The following ZNF407 variants were observed in gnomAD, a reference collection of about 807,000 sequenced individuals.
The protein encoded by ZNF407 is zinc finger protein 407.
Under a neutral mutation model 131.2 loss-of-function variants are expected in ZNF407, and 17 were observed. The observed-to-expected ratio is 0.13, with a 90% CI of 0.09 to 0.19. ZNF407 has a LOEUF of 0.19. Among genes scored for constraint, ZNF407 ranks in the 10% least tolerant of loss-of-function variants. The probability of loss-of-function intolerance (pLI) is 1.00; values close to 1 mark genes in which losing one functional copy is unlikely to be tolerated. For synonymous variants in ZNF407, 1,156 were observed against 1,062.0 expected, an observed-to-expected ratio of 1.09 and a Z score of -1.72; for missense variants, 2,681 against 2,830.6, an observed-to-expected ratio of 0.95 and a Z score of 1.20.
chr18:74,967,148 G>A (rs757859412), intron 8 of ZNF407, among the ~76,000 whole-genome samples: 29 of 152,070 alleles, frequency 1.9e-4, no homozygotes, highest in South Asian at 1.5e-3. Flanking sequence ...CAGCTACTCC[G>A]GAGGCTGAAG....
intron 8 of ZNF407, among the ~76,000 whole-genome samples, chr18:74,942,544 C>T (rs1442480754): frequency 1.3e-5 from 2 of 152,196 alleles, no homozygotes; most frequent in Admixed American, 6.5e-5. Context: ...TCTTTTTAAT[C>T]TTTCTGACCT....
At chr18:74,738,616 G>T (rs1265273524) in intron 3 of ZNF407, among the ~76,000 whole-genome samples, 4 of 151,872 alleles carry the variant, frequency 2.6e-5, no homozygotes, top group Middle Eastern at 3.4e-3. Context: ...GTGTGCTCCT[G>T]TAGTCCCAGC....
chr18:74,705,300 G>A (rs1967599152), intron 3 of ZNF407, among the ~76,000 whole-genome samples: 1 of 152,136 alleles, frequency 6.6e-6, no homozygotes. Context: ...GGCTGCCTGT[G>A]ATGTCATGGG....
At chr18:74,769,376 G>A (rs1568207255) in intron 3 of ZNF407, among the ~76,000 whole-genome samples, 1 of 151,448 alleles carries the variant, frequency 6.6e-6, no homozygotes, top group Non-Finnish European at 1.5e-5. Context: ...AAGAGTTGAG[G>A]TAGCTCTAGG....
In ZNF407 at chr18:74,990,514, T is replaced by G. The variant is rs538469791; in HGVS notation, c.5428+69822T>G. ...AACTGTATATGACAACAGAAATCTC[T>G]TTCAAAAGTCAAAGAATTGACAGGG... On this transcript the variant is annotated intron_variant, in intron 8 of 8. Transcript: ENST00000299687. Among the ~76,000 whole-genome samples, 12 of 152,374 alleles carry G rather than the reference T, an allele frequency of 7.9e-5. 1 individual carries two copies. In the South Asian group the frequency reaches 2.5e-3, roughly 32 times the overall value.
chr18:74,719,987 A>G (rs989241693), intron 3 of ZNF407, among the ~76,000 whole-genome samples: 10 of 151,998 alleles, frequency 6.6e-5, no homozygotes, highest in African/African-American at 2.4e-4. Context: ...GTTAAATGCT[A>G]ATTTCCTTTC....
At chr18:74,717,641 A>T (rs968230842) in intron 3 of ZNF407, among the ~76,000 whole-genome samples, 34 of 152,238 alleles carry the variant, frequency 2.2e-4, no homozygotes, top group African/African-American at 7.7e-4. Flanking sequence ...CTTAAAACAA[A>T]CAAACAAAAC....
intron 3 of ZNF407, among the ~76,000 whole-genome samples, chr18:74,645,655 G>T (rs929067010): frequency 6.6e-6 from 1 of 151,762 alleles, no homozygotes; most frequent in Admixed American, 6.6e-5. Flanking sequence ...GTGTGTGTGT[G>T]TGTGTGTGTG....
intron 8 of ZNF407, among the ~76,000 whole-genome samples, chr18:74,929,151 G>C (rs1225810837): frequency 6.6e-6 from 1 of 152,112 alleles, no homozygotes; most frequent in Admixed American, 6.6e-5. Context: ...GTTTTAAAGT[G>C]ATTTTTAACT....
Position 74,935,710 on chromosome 18 carries a change from G to A in ZNF407, c.5428+15018G>A, listed in dbSNP as rs183153491. Reference sequence around the variant, plus strand: ...ACTTGAATAATCAGAGAGGTGAGAAGAGGAGATCGATGGAAGCACCGAGCA... The same window carrying A: ...ACTTGAATAATCAGAGAGGTGAGAAAAGGAGATCGATGGAAGCACCGAGCA... On this transcript the variant is annotated intron_variant, in intron 8 of 8. Transcript: ENST00000299687. Among the ~76,000 whole-genome samples, 63 of 152,296 alleles carry A rather than the reference G, an allele frequency of 4.1e-4. No homozygotes were observed. The East Asian group carries it at 9.5e-3, about 23-fold the overall frequency.
chr18:74,901,244 G>T (rs1971520407), intron 7 of ZNF407, among the ~76,000 whole-genome samples: 1 of 152,180 alleles, frequency 6.6e-6, no homozygotes, highest in African/African-American at 2.4e-5. Flanking sequence ...TGGAATTGTT[G>T]CTGCTTCGTT....
At position 74,633,556 on chromosome 18, in the gene ZNF407, G is replaced by T; in HGVS notation, c.2537G>T (p.Gly846Val). The change falls in exon 2 of 9, where the codon GGT becomes GTT. Residue 846 changes from glycine (G) to valine (V), a missense_variant. Physicochemically the swap from Gly to Val is moderately radical, Grantham distance 109. Around this residue, in one of 6 missense-constraint regions of ZNF407, gnomAD observed 1,789 missense variants for 1,748.7 expected, o/e 1.02. Coordinates refer to ENST00000299687, the MANE Select transcript of ZNF407 (RefSeq NM_017757.3). ...TTTPKRGRPK[G>V]NISRTCSHCG... ...ACTCCAAAGAGAGGGAGACCTAAAG[G>T]TAACATCTCACGGACGTGTTCACAC... 6.2e-7 allele frequency: 1 copy of T among 1,613,980 alleles called. No individual in the cohort carries two copies. The highest frequency in any genetic ancestry group is 8.5e-7 in the Non-Finnish European group (1 of 1,179,894).
chr18:74,734,719 GAATC>G (rs1234383401), intron 3 of ZNF407, among the ~76,000 whole-genome samples: 1 of 150,900 alleles, frequency 6.6e-6, no homozygotes, highest in Admixed American at 6.6e-5. Context: ...GTTTTTGAGA[GAATC>G]AAAGATTCAA....
intron 3 of ZNF407, among the ~76,000 whole-genome samples, chr18:74,648,311 T>C (rs1210678002): frequency 6.6e-6 from 1 of 152,044 alleles, no homozygotes; most frequent in Non-Finnish European, 1.5e-5. Flanking sequence ...GTGCACGAAC[T>C]ACAGGGCAGT....
chr18:74,728,309 T>G (rs1051566337), intron 3 of ZNF407, among the ~76,000 whole-genome samples: 2 of 151,990 alleles, frequency 1.3e-5, no homozygotes, highest in African/African-American at 4.8e-5. Flanking sequence ...GTTTCAGAAG[T>G]TAGTAGTAGG....
intron 3 of ZNF407, among the ~76,000 whole-genome samples, chr18:74,707,454 A>G (rs987139813): frequency 1.3e-5 from 2 of 152,010 alleles, no homozygotes; most frequent in African/African-American, 4.8e-5. Flanking sequence ...ATTTTTGATT[A>G]TTTGCATTAT....
At chr18:74,617,652 C>T (rs1983373724) in intron 1 of ZNF407, among the ~76,000 whole-genome samples, 1 of 152,152 alleles carries the variant, frequency 6.6e-6, no homozygotes, top group Admixed American at 6.5e-5. Context: ...CAGGTGATGT[C>T]ATGCCCTTCT....
At chr18:74,615,660 T>C (rs1316149906) in intron 1 of ZNF407, among the ~76,000 whole-genome samples, 2 of 152,346 alleles carry the variant, frequency 1.3e-5, no homozygotes, top group East Asian at 3.9e-4. Flanking sequence ...TATTCTGCAG[T>C]TTTCCTTCTC....
chr18:74,997,905 A>T (rs1972798229), intron 8 of ZNF407, among the ~76,000 whole-genome samples: 1 of 152,224 alleles, frequency 6.6e-6, no homozygotes, highest in African/African-American at 2.4e-5. Flanking sequence ...TAAATTGATC[A>T]CATGGCTCTG....
Sources: allele counts gnomAD v4.1 joint callset (sites outside exome capture counted in the v4.1 genomes callset), GRCh38; gene constraint gnomAD v4.1.1; regional missense constraint gnomAD v4.1.1; transcripts MANE v1.5; gene names NCBI Gene and HGNC (gene_info 2026-07-23, HGNC 2026-07-21).